CTU2: variants seen among roughly 807,000 people sequenced by gnomAD.
CTU2 encodes the protein cytosolic thiouridylase subunit 2.
CTU2 carries 80 observed loss-of-function variants against 64.1 expected under a neutral mutation model. The observed-to-expected ratio is 1.25, with a 90% CI of 1.04 to 1.50. CTU2 has a LOEUF of 1.50. Ranked by LOEUF, CTU2 falls within the 40% of genes most tolerant of loss-of-function variation. CTU2 has a pLI of 0.00. For synonymous variants in CTU2, 482 were observed against 285.3 expected, an observed-to-expected ratio of 1.69 and a Z score of -6.95; for missense variants, 1,110 against 690.2, an observed-to-expected ratio of 1.61 and a Z score of -6.81.
intron 5 of CTU2, 49 bp from the exon 6 acceptor site, chr16:88,712,225 C>A (rs1227097249): frequency 6.6e-7 from 1 of 1,506,836 alleles, no homozygotes; most frequent in Admixed American, 1.9e-5. Context: ...GCAGCCTGCC[C>A]TGCCTGGCTC....
In CTU2 at chr16:88,715,227, TGAC is replaced by T; in HGVS notation, c.1530_1532del (p.Asp510del). ...TCCGGGACTGTCTGATTGAGGACAG[TGAC>T]GACGAGGCGGGCCAGAGCTGAGCGT... On this transcript the variant is annotated inframe_deletion, in exon 15 of 15. Transcript: ENST00000453996. 6.2e-7 allele frequency: 1 copy of T among 1,612,066 alleles called. No individual in the cohort carries two copies. Among genetic ancestry groups the T allele is most frequent in the Non-Finnish European group, 8.5e-7 (1 of 1,179,828 alleles).
intron 2 of CTU2, among the ~76,000 whole-genome samples, chr16:88,708,107 C>G (rs957860792): frequency 1.3e-5 from 2 of 152,240 alleles, no homozygotes; most frequent in African/African-American, 4.8e-5. Context: ...AGCCACCACA[C>G]CTGGCCAAGA....
chr16:88,714,748 G>C lies in CTU2; in HGVS notation c.1352+11G>C. On this transcript the variant is annotated intron_variant, in intron 12 of 14. Transcript: ENST00000453996. Reference sequence around the variant, plus strand: ...GGGGGCCTGCAGGAGGTGAGTCCCTGTCCCTGCCACCCATGGCCAGCTGCA... The same window carrying C: ...GGGGGCCTGCAGGAGGTGAGTCCCTCTCCCTGCCACCCATGGCCAGCTGCA... 1 of 1,606,044 alleles carries C rather than the reference G, an allele frequency of 6.2e-7. No homozygotes were observed. Among genetic ancestry groups the C allele is most frequent in the Non-Finnish European group, 8.5e-7 (1 of 1,175,818 alleles).
chr16:88,713,243 C>G (rs189119040), intron 7 of CTU2, 69 bp from the exon 8 acceptor site: 4 of 1,159,264 alleles, frequency 3.5e-6, no homozygotes, highest in Non-Finnish European at 3.6e-6. Flanking sequence ...CTGACCCCCA[C>G]TCATACCCGA....
rs529576556 is a variant in CTU2 at position 88,713,548 on chromosome 16, G to A, written c.874-99G>A. ...TCTCGCGTATCAGTCCTGCGGCCTCGGATGGTGGTGGGGTCTGTGACCTCC... is the reference window on the plus strand; with the variant it reads ...TCTCGCGTATCAGTCCTGCGGCCTCAGATGGTGGTGGGGTCTGTGACCTCC... On this transcript the variant is annotated intron_variant, in intron 8 of 14. Coordinates refer to ENST00000453996, the MANE Select transcript of CTU2 (RefSeq NM_001012759.3). 2.9e-4 allele frequency: 396 copies of A among 1,358,980 alleles called. 2 individuals are homozygous for A. The highest frequency in any genetic ancestry group is 2.2e-3 in the East Asian group (88 of 39,604). 84.2% of individuals were successfully genotyped at this position (1,358,980 alleles called of 1,614,324 possible).
intron 1 of CTU2, 153 bp from the exon 2 acceptor site, chr16:88,706,983 G>T: frequency 2.8e-6 from 2 of 722,446 alleles, no homozygotes; most frequent in Non-Finnish European, 4.7e-6. Flanking sequence ...CTTGAAGTTT[G>T]GACAGAACAC....
chr16:88,706,521 C>A lies in CTU2; in HGVS notation c.-10C>A, dbSNP rs767452884. 4.9e-6 allele frequency: 7 copies of A among 1,436,162 alleles called. No individual in the cohort carries two copies. The highest frequency in any genetic ancestry group is 1.5e-5 in the African/African-American group (1 of 66,720). 89.0% of individuals were successfully genotyped at this position (1,436,162 alleles called of 1,614,324 possible). A position where few individuals can be genotyped will look rare whatever the true frequency, so the allele number is the denominator to read the frequency against. ...CGCCGCCACAGTCTGCGACGGGACCCGGCGTGCCCATGTGTCAGGTGGGCG... is the reference window on the plus strand; with the variant it reads ...CGCCGCCACAGTCTGCGACGGGACCAGGCGTGCCCATGTGTCAGGTGGGCG... On this transcript the variant is annotated 5_prime_UTR_variant, in exon 1 of 15. Transcript: ENST00000453996.
In CTU2 at chr16:88,714,858, A is replaced by G; in HGVS notation, c.1353-2A>G. On this transcript the variant is annotated splice_acceptor_variant, in intron 12 of 14. Transcript: ENST00000453996. LOFTEE classifies it high-confidence loss of function. Reference sequence around the variant, plus strand: ...GGCACACAGCCAGCTCTGCTCCCGCAGGGAGGACCCCCAAGCCTGCATTGA... The same window carrying G: ...GGCACACAGCCAGCTCTGCTCCCGCGGGGAGGACCCCCAAGCCTGCATTGA... 1 of 1,612,608 alleles carries G rather than the reference A, an allele frequency of 6.2e-7. No individual in the cohort carries two copies. Among genetic ancestry groups the G allele is most frequent in the Non-Finnish European group, 8.5e-7 (1 of 1,179,872 alleles).
intron 1 of CTU2, 106 bp from the exon 2 acceptor site, chr16:88,707,030 C>G (rs769743656): frequency 8.7e-7 from 1 of 1,154,970 alleles, no homozygotes; most frequent in Non-Finnish European, 1.3e-6. Flanking sequence ...GTGCCTTTCT[C>G]TGACCCAACT....
Position 88,710,031 on chromosome 16 carries a change from C to A in CTU2, c.222+15C>A. 6.2e-7 allele frequency: 1 copy of A among 1,613,430 alleles called. No individual in the cohort carries two copies. Among genetic ancestry groups the A allele is most frequent in the Non-Finnish European group, 8.5e-7 (1 of 1,179,578 alleles). ...CAGGCGAGAAGGTAGCGTCTGGGTC[C>A]TGGGGGTCTGACTGAGCAGCCTGGC... On this transcript the variant is annotated intron_variant, in intron 3 of 14. Transcript: ENST00000453996.
intron 2 of CTU2, among the ~76,000 whole-genome samples, chr16:88,707,797 T>TG (rs1567644916): frequency 1.9e-5 from 1 of 52,270 alleles, no homozygotes; most frequent in Non-Finnish European, 4.0e-5. Context: ...GCGTGGTTTT[T>TG]TTGTTGTTGT....
chr16:88,714,309 C>G (rs549166093), intron 10 of CTU2, 74 bp from the exon 11 acceptor site: 4 of 1,597,474 alleles, frequency 2.5e-6, no homozygotes, highest in East Asian at 4.5e-5. Flanking sequence ...GCTCACCACT[C>G]GTGCTCAGGC....
chr16:88,708,157 C>T (rs940301227), intron 2 of CTU2, among the ~76,000 whole-genome samples: 2 of 152,140 alleles, frequency 1.3e-5, no homozygotes, highest in South Asian at 2.1e-4. Context: ...CTGAAATTGC[C>T]AAGAACACCA....
At chr16:88,712,526 C>T (rs2290898) in intron 6 of CTU2, 96 bp from the exon 7 acceptor site, 195,219 of 1,517,058 alleles carry the variant, frequency 0.13, 13,347 homozygotes, top group East Asian at 0.16. Context: ...GTGCCCCAGC[C>T]TCACTGCCGT....
intron 9 of CTU2, 29 bp from the exon 10 acceptor site, chr16:88,714,107 C>T (rs761440186): frequency 3.7e-6 from 6 of 1,606,880 alleles, no homozygotes; most frequent in Non-Finnish European, 5.1e-6. Flanking sequence ...TCTGGGCTTT[C>T]CCATAGCCTC....
At position 88,711,081 on chromosome 16, in the gene CTU2, A is replaced by C. The variant is rs1177996160; in HGVS notation, c.283-554A>C. 2.0e-5 allele frequency among the ~76,000 whole-genome samples: 3 copies of C among 152,048 alleles called. No individual in the cohort carries two copies. In the East Asian group the frequency reaches 5.8e-4, roughly 29 times the overall value. On this transcript the variant is annotated intron_variant, in intron 4 of 14. Transcript: ENST00000453996. ...GAGAGGGGTCGGCTTTGCCGGGTTG[A>C]GGAGTGGGGTGTTGGTCTCAGGATG... is the stretch of plus-strand genomic sequence containing the variant.
chr16:88,710,798 CAGG>C lies in CTU2; in HGVS notation c.282+519_282+521del, dbSNP rs1911259772. On this transcript the variant is annotated intron_variant, in intron 4 of 14. Coordinates refer to ENST00000453996, the MANE Select transcript of CTU2 (RefSeq NM_001012759.3). The stretch of plus-strand genomic sequence containing the variant: ...GATTGGGAAAGGGGCGGGGGTTTGC[CAGG>C]AGAAGCAAAGGGAGCAGCGTTTGAG... The C allele has an allele frequency of 1.9e-5, 3 of 161,098 alleles. No individual in the cohort carries two copies. In the Admixed American group the frequency reaches 1.9e-4, roughly 10 times the overall value. The allele number at this position is 161,098 out of a possible 1,614,324, so 10.0% of individuals were successfully genotyped here.
chr16:88,713,910 G>A (rs900777358), intron 9 of CTU2, 132 bp downstream of exon 9: 3 of 1,311,032 alleles, frequency 2.3e-6, no homozygotes, highest in East Asian at 4.6e-5. Context: ...CAGCAGTGCT[G>A]CATCCTCTGA....
At chr16:88,713,591 G>A in intron 8 of CTU2, 56 bp from the exon 9 acceptor site, 2 of 1,585,568 alleles carry the variant, frequency 1.3e-6, no homozygotes, top group East Asian at 2.3e-5. Context: ...GGCAGGGGAG[G>A]AGGGGCAAGC....
Sources: allele counts gnomAD v4.1 joint callset (sites outside exome capture counted in the v4.1 genomes callset), GRCh38; gene constraint gnomAD v4.1.1; transcripts MANE v1.5; gene names NCBI Gene and HGNC (gene_info 2026-07-23, HGNC 2026-07-21).